The following RAD51B variants were observed in gnomAD, a reference collection of about 807,000 sequenced individuals.
RAD51B encodes the protein DNA repair protein RAD51 homolog 2.
In RAD51B, 38 loss-of-function variants were observed where a neutral mutation model predicts 42.2. The observed-to-expected ratio is 0.90, with a 90% CI of 0.70 to 1.18. RAD51B has a LOEUF of 1.18. RAD51B is among the 50% of genes most tolerant of loss of function. RAD51B has a pLI of 0.00. For synonymous variants in RAD51B, 154 were observed against 145.2 expected (o/e 1.06, Z -0.43); for missense variants, 373 against 400.7 (o/e 0.93, Z 0.59).
At chr14:68,470,560 G>T (rs950863605) in intron 10 of RAD51B, 10 of 503,110 alleles carry the variant, frequency 2.0e-5, no homozygotes, top group Non-Finnish European at 3.5e-5. Context: ...TCAAGACTTT[G>T]AAAACTGTCG....
At chr14:67,925,027 T>C (rs1006056178) in intron 7 of RAD51B, among the ~76,000 whole-genome samples, 2 of 152,176 alleles carry the variant, frequency 1.3e-5, no homozygotes, top group Non-Finnish European at 2.9e-5. Context: ...ACAAAGGGGC[T>C]CCAGGCCCCA....
In RAD51B at chr14:68,550,332, C is replaced by T. The variant is rs1888470373; in HGVS notation, c.1037-44153C>T. Among the ~76,000 whole-genome samples the T allele has an allele frequency of 2.0e-5, 3 of 152,172 alleles. No homozygotes were observed. The South Asian group carries it at 6.2e-4, about 32-fold the overall frequency. On this transcript the variant is annotated intron_variant, in intron 10 of 10. Transcript: ENST00000487270. ...GTATAGCAGTTGTCTGTTGGGGGAC[C>T]TTAAGTGATTATTCATGGAATCTTT...
intron 9 of RAD51B, among the ~76,000 whole-genome samples, chr14:68,436,875 T>C (rs2085160433): frequency 6.6e-6 from 1 of 152,202 alleles, no homozygotes; most frequent in Non-Finnish European, 1.5e-5. Flanking sequence ...TTTTGTATCC[T>C]GAAACTTACT....
chr14:68,041,130 A>C (rs892937248), intron 7 of RAD51B, among the ~76,000 whole-genome samples: 1 of 152,054 alleles, frequency 6.6e-6, no homozygotes, highest in Admixed American at 6.6e-5. Flanking sequence ...TGGTTATTTA[A>C]AAGTGTATAG....
chr14:68,562,421 C>G, intron 10 of RAD51B: 1 of 982,594 alleles, frequency 1.0e-6, no homozygotes, highest in African/African-American at 1.7e-5. Flanking sequence ...CCCATACAGC[C>G]CCCAGTCAAC....
At chr14:67,889,761 TG>T (rs1182161071) in intron 7 of RAD51B, among the ~76,000 whole-genome samples, 9 of 152,056 alleles carry the variant, frequency 5.9e-5, no homozygotes, top group African/African-American at 1.2e-4. Flanking sequence ...TGAAAACAGA[TG>T]TATTAATATC....
intron 7 of RAD51B, among the ~76,000 whole-genome samples, chr14:68,005,300 C>G (rs2075568732): frequency 6.6e-6 from 1 of 152,018 alleles, no homozygotes; most frequent in Non-Finnish European, 1.5e-5. Context: ...GATCTGCCTG[C>G]CTCGACCTCC....
intron 10 of RAD51B, among the ~76,000 whole-genome samples, chr14:68,552,192 C>A (rs1888610037): frequency 6.6e-6 from 1 of 152,214 alleles, no homozygotes; most frequent in South Asian, 2.1e-4. Flanking sequence ...CCCCACTTCA[C>A]TACAGCCTCT....
At chr14:67,872,776 A>G (rs930371182) in intron 5 of RAD51B, among the ~76,000 whole-genome samples, 15 of 150,864 alleles carry the variant, frequency 9.9e-5, no homozygotes, top group African/African-American at 3.4e-4. Flanking sequence ...GCCCTCAGAA[A>G]TAATGCCGCA....
At chr14:68,520,865 G>A (rs1487080943) in intron 10 of RAD51B, among the ~76,000 whole-genome samples, 1 of 152,226 alleles carries the variant, frequency 6.6e-6, no homozygotes, top group African/African-American at 2.4e-5. Context: ...GGCTGTGAAA[G>A]AAAAGTACAA....
At chr14:68,403,452 T>G (rs2084175669) in intron 8 of RAD51B, among the ~76,000 whole-genome samples, 1 of 152,292 alleles carries the variant, frequency 6.6e-6, no homozygotes, top group South Asian at 2.1e-4. Flanking sequence ...AATTGAAATG[T>G]TTTCAGAGAA....
intron 7 of RAD51B, among the ~76,000 whole-genome samples, chr14:67,937,899 T>C (rs779051822): frequency 1.3e-5 from 2 of 152,138 alleles, no homozygotes; most frequent in Admixed American, 6.6e-5. Flanking sequence ...AAGTAACTTT[T>C]TTTTTTCTTT....
intron 10 of RAD51B, among the ~76,000 whole-genome samples, chr14:68,470,091 G>C (rs1185863033): frequency 1.3e-5 from 2 of 152,172 alleles, no homozygotes; most frequent in African/African-American, 4.8e-5. Flanking sequence ...CGAAAAAGTT[G>C]GAAAACAGGG....
intron 10 of RAD51B, among the ~76,000 whole-genome samples, chr14:68,575,298 C>T (rs1889912339): frequency 6.6e-6 from 1 of 152,188 alleles, no homozygotes; most frequent in South Asian, 2.1e-4. Context: ...GTTCTCATAG[C>T]TTCTAAATGG....
chr14:68,132,385 G>C (rs1200069058), intron 7 of RAD51B, among the ~76,000 whole-genome samples: 1 of 152,196 alleles, frequency 6.6e-6, no homozygotes, highest in African/African-American at 2.4e-5. Flanking sequence ...ATGAGCCTTG[G>C]TAAGGATGTA....
chr14:68,057,302 T>C (rs1204923222), intron 7 of RAD51B, among the ~76,000 whole-genome samples: 2 of 152,170 alleles, frequency 1.3e-5, no homozygotes, highest in Admixed American at 6.5e-5. Flanking sequence ...CAATGATCTT[T>C]AGATTTTTTA....
At position 67,935,373 on chromosome 14, in the gene RAD51B, G is replaced by GT. The variant is rs200867366; in HGVS notation, c.756+48178dup. 1.4e-3 allele frequency among the ~76,000 whole-genome samples: 218 copies of GT among 151,468 alleles called. 4 individuals are homozygous for GT. The East Asian group carries it at 0.037, about 25-fold the overall frequency. ...TTCTACAAATACAACTCTTAAAAAA[G>GT]TTTTTTTTTCAGAGACAGTCTTGCT... On this transcript the variant is annotated intron_variant, in intron 7 of 10. Coordinates refer to ENST00000471583, the MANE Select transcript of RAD51B (RefSeq NM_133510.4).
chr14:68,158,471 C>A (rs539532273), intron 7 of RAD51B, among the ~76,000 whole-genome samples: 1 of 152,308 alleles, frequency 6.6e-6, no homozygotes, highest in South Asian at 2.1e-4. Context: ...TTGCTGTCTT[C>A]TTTAGGTAAG....
chr14:67,888,493 T>G (rs2043126710), intron 7 of RAD51B, among the ~76,000 whole-genome samples: 1 of 152,126 alleles, frequency 6.6e-6, no homozygotes, highest in Non-Finnish European at 1.5e-5. Flanking sequence ...CTCAAGAGGC[T>G]GAGGTGGGAG....
Sources: allele counts gnomAD v4.1 joint callset (sites outside exome capture counted in the v4.1 genomes callset), GRCh38; gene constraint gnomAD v4.1.1; transcripts MANE v1.5; gene names NCBI Gene and HGNC (gene_info 2026-07-23, HGNC 2026-07-21).